The following NCKAP5L variants were observed in gnomAD, a reference collection of about 807,000 sequenced individuals.
NCKAP5L encodes nck-associated protein 5-like.
NCKAP5L carries 54 observed loss-of-function variants against 103.2 expected under a neutral mutation model. The ratio of observed to expected loss-of-function variants is 0.52; its 90% confidence interval spans 0.42 to 0.66. The LOEUF is 0.66. Ranked by LOEUF, NCKAP5L falls within the 30% of genes least tolerant of loss-of-function variation. The pLI is 0.00. For missense variants in NCKAP5L, 1,733 were observed against 1,750.6 expected (o/e 0.99, Z 0.18); for synonymous variants, 762 against 748.6 (o/e 1.02, Z -0.29).
chr12:49,792,332 T>C lies in NCKAP5L; in HGVS notation c.3792+114A>G, dbSNP rs1406690975. On this transcript the variant is annotated intron_variant, in intron 12 of 12. Transcript: ENST00000335999. The surrounding 1 kb of genome is among the most constrained non-coding windows in gnomAD (Gnocchi z 4.5). ...TCCCAGGGGTCCTCCTCCCAGAGGG[T>C]GCAGCACTGAGACTGTGCGACACAC... 1 of 1,544,256 alleles carries C rather than the reference T, an allele frequency of 6.5e-7. No homozygotes were observed. The highest frequency in any genetic ancestry group is 1.4e-5 in the African/African-American group (1 of 72,956).
intron 1 of NCKAP5L, among the ~76,000 whole-genome samples, chr12:49,817,858 A>G (rs138944238): frequency 1.9e-3 from 289 of 152,324 alleles, no homozygotes; most frequent in African/African-American, 6.5e-3. Flanking sequence ...GGCCGGGCGC[A>G]GTGCTCATGC....
At chr12:49,808,974 T>G (rs1285829304) in intron 1 of NCKAP5L, among the ~76,000 whole-genome samples, 6 of 150,384 alleles carry the variant, frequency 4.0e-5, no homozygotes, top group Admixed American at 1.3e-4. Context: ...GTGACCTCAG[T>G]GCAGGGGGAG....
At chr12:49,811,725 C>T (rs1043821260) in intron 1 of NCKAP5L, among the ~76,000 whole-genome samples, 26 of 152,144 alleles carry the variant, frequency 1.7e-4, no homozygotes, top group South Asian at 6.2e-4. Flanking sequence ...AGCTATGACC[C>T]GGCTACTGCT....
intron 1 of NCKAP5L, among the ~76,000 whole-genome samples, chr12:49,814,206 C>T (rs1022853345): frequency 6.1e-5 from 9 of 148,308 alleles, no homozygotes; most frequent in South Asian, 2.1e-4. Context: ...TTCTTCCAGC[C>T]GGGTGTGGTG....
chr12:49,826,828 C>T (rs1946421714), intron 1 of NCKAP5L, among the ~76,000 whole-genome samples: 1 of 152,194 alleles, frequency 6.6e-6, no homozygotes, highest in Admixed American at 6.6e-5. Context: ...TCCTTCTTCC[C>T]TGCCAACCAC....
In NCKAP5L at chr12:49,798,473, G is replaced by A; in HGVS notation, c.352-10C>T. 6.4e-7 allele frequency: 1 copy of A among 1,560,998 alleles called. No individual in the cohort carries two copies. The highest frequency in any genetic ancestry group is 8.7e-7 in the Non-Finnish European group (1 of 1,150,954). On this transcript the variant is annotated splice_polypyrimidine_tract_variant and intron_variant, in intron 6 of 12. Transcript: ENST00000335999. ...GTGGAGTGAGTGGGATCTGCAGAGG[G>A]AGAGGCAGAGTTAGCACAGTAGCTG...
intron 1 of NCKAP5L, among the ~76,000 whole-genome samples, chr12:49,811,944 C>T (rs918236708): frequency 2.0e-5 from 3 of 152,156 alleles, no homozygotes; most frequent in Admixed American, 6.5e-5. Context: ...CAGTGGTAAC[C>T]ACCACGATGC....
In NCKAP5L at chr12:49,797,407, A is replaced by G. The variant is rs866803558; in HGVS notation, c.466-13T>C. The G allele has an allele frequency of 6.4e-7, 1 of 1,573,150 alleles. No homozygotes were observed. Among genetic ancestry groups the G allele is most frequent in the Middle Eastern group, 2.1e-4 (1 of 4,730 alleles). Reference sequence around the variant, plus strand: ...GCTCCCAACATACCTTAGGGGAGAGATGATGGCATGAGGAGGAGACCACAC... The same window carrying G: ...GCTCCCAACATACCTTAGGGGAGAGGTGATGGCATGAGGAGGAGACCACAC... On this transcript the variant is annotated splice_polypyrimidine_tract_variant and intron_variant, in intron 7 of 12. Transcript: ENST00000335999. The surrounding 1 kb of genome is among the most constrained non-coding windows in gnomAD (Gnocchi z 4.5).
In NCKAP5L at chr12:49,796,505, G is replaced by A; in HGVS notation, c.1355C>T (p.Pro452Leu). 6.5e-7 allele frequency: 1 copy of A among 1,545,918 alleles called. No homozygotes were observed. Among genetic ancestry groups the A allele is most frequent in the African/African-American group, 1.4e-5 (1 of 72,674 alleles). Residue 452 changes from proline to leucine, a missense_variant, in exon 8 of 13, where the codon CCA becomes CTA. Transcript: ENST00000335999. Reference sequence around the variant, plus strand: ...CTTTAGAAACTTGAGACCCCTAGCTGGAGAGGGCAGAAGGGGTCCCTGAGC... The same window carrying A: ...CTTTAGAAACTTGAGACCCCTAGCTAGAGAGGGCAGAAGGGGTCCCTGAGC... ...GEAQGPLLPS[P>L]ARGLKFLKLP...
chr12:49,809,715 G>C (rs528919768), intron 1 of NCKAP5L, among the ~76,000 whole-genome samples: 34 of 152,280 alleles, frequency 2.2e-4, no homozygotes, highest in African/African-American at 7.7e-4. Context: ...TGAGGAGTGT[G>C]GGGAGGGATA....
chr12:49,811,622 C>A (rs1946240809), intron 1 of NCKAP5L, among the ~76,000 whole-genome samples: 3 of 151,582 alleles, frequency 2.0e-5, no homozygotes, highest in Admixed American at 6.6e-5. Context: ...TAAAAACAAT[C>A]TTCTCGTTGG....
intron 1 of NCKAP5L, among the ~76,000 whole-genome samples, chr12:49,820,047 C>G (rs1946343648): frequency 6.6e-6 from 1 of 152,236 alleles, no homozygotes; most frequent in African/African-American, 2.4e-5. Flanking sequence ...ACTAACTCCT[C>G]TCCTATCCCC....
chr12:49,807,324 A>T (rs1946191842), intron 1 of NCKAP5L, among the ~76,000 whole-genome samples: 1 of 151,980 alleles, frequency 6.6e-6, no homozygotes, highest in South Asian at 2.1e-4. Flanking sequence ...GAAAAGGAAG[A>T]CCTGTTTAAT....
chr12:49,815,708 T>G lies in NCKAP5L; in HGVS notation c.-98-9667A>C, dbSNP rs912606797. 3.9e-5 allele frequency among the ~76,000 whole-genome samples: 6 copies of G among 152,264 alleles called. No individual in the cohort carries two copies. The South Asian group carries it at 1.2e-3, about 32-fold the overall frequency. On this transcript the variant is annotated intron_variant, in intron 1 of 12. Transcript: ENST00000335999. ...TTTCACCACGTTGGCCAGGCTGGTT[T>G]CGAACTCCTGACCTCAAGAGCTCCA...
At chr12:49,793,507 G>A in intron 9 of NCKAP5L, 74 bp from the exon 10 acceptor site, 1 of 1,487,834 alleles carries the variant, frequency 6.7e-7, no homozygotes, top group Non-Finnish European at 9.3e-7. Context: ...CTAGAGGGTG[G>A]GAATGTGTCT....
In NCKAP5L at chr12:49,803,090, C is replaced by A. The variant is rs748402908; in HGVS notation, c.192+7G>T. 6.2e-7 allele frequency: 1 copy of A among 1,614,266 alleles called. No homozygotes were observed. Among genetic ancestry groups the A allele is most frequent in the South Asian group, 1.1e-5 (1 of 91,086 alleles). ...CATCCCCCCAGTCCCACTACAGACC[C>A]ACAGACCTCGTCCAGACAGCGCTCA... On this transcript the variant is annotated splice_region_variant and intron_variant, in intron 4 of 12. Transcript: ENST00000335999.
chr12:49,824,046 G>T (rs999893710), intron 1 of NCKAP5L, among the ~76,000 whole-genome samples: 1 of 152,216 alleles, frequency 6.6e-6, no homozygotes, highest in Non-Finnish European at 1.5e-5. Context: ...GAAGACAGGG[G>T]TACTCGTTCC....
At chr12:49,799,115 C>A (rs530613250) in intron 6 of NCKAP5L, among the ~76,000 whole-genome samples, 1 of 152,126 alleles carries the variant, frequency 6.6e-6, no homozygotes, top group Non-Finnish European at 1.5e-5. Flanking sequence ...CAGCGCCCCT[C>A]AAGGCCCCCT....
Position 49,794,987 on chromosome 12 carries a change from G to A in NCKAP5L, c.2873C>T (p.Ala958Val), listed in dbSNP as rs928950233. ...SPLRREVKMEARKLEAESLNI... is the reference protein window; with the variant it reads ...SPLRREVKMEVRKLEAESLNI... Reference sequence around the variant, plus strand: ...GAGGCTCTCGGCCTCCAGCTTCCGGGCTTCCATCTTGACTTCCCTCCGGAG... The same window carrying A: ...GAGGCTCTCGGCCTCCAGCTTCCGGACTTCCATCTTGACTTCCCTCCGGAG... The change falls in exon 8 of 13, where the codon GCC (alanine) becomes GTC (valine). Residue 958 changes from alanine (A) to valine (V), a missense_variant. By Grantham distance (64) the Ala-to-Val change is moderately conservative (BLOSUM62 0). Coordinates refer to ENST00000335999, the MANE Select transcript of NCKAP5L (RefSeq NM_001037806.4). The A allele has an allele frequency of 3.8e-6, 6 of 1,594,118 alleles. No individual in the cohort carries two copies. In the South Asian group the frequency reaches 6.8e-5, roughly 18 times the overall value.
Sources: gnomAD v4.1 joint callset for allele counts (sites outside exome capture counted in the v4.1 genomes callset) on GRCh38, gnomAD v4.1.1 for gene constraint, Gnocchi (gnomAD v3.1) non-coding constraint, MANE v1.5 for transcripts, NCBI Gene and HGNC (gene_info 2026-07-23, HGNC 2026-07-21) for gene names.